Variants in ACOX1 observed in about 807,000 individuals in gnomAD.
ACOX1 encodes the protein acyl-CoA oxidase 1.
A neutral mutation model predicts 75.5 loss-of-function variants in ACOX1; 41 were observed. That is an observed-to-expected ratio of 0.54 (90% CI 0.42 to 0.70). The LOEUF (loss-of-function observed/expected upper bound fraction) is 0.70, where lower values mean the gene tolerates loss of function less well. ACOX1 is among the 30% of genes least tolerant of loss of function. ACOX1 has a pLI of 0.00. For synonymous variants in ACOX1, 303 were observed against 298.8 expected (o/e 1.01, Z -0.15); for missense variants, 630 against 837.5 (o/e 0.75, Z 3.06).
chr17:75,948,862 C>CTTTTTT (rs34512190), intron 12 of ACOX1, among the ~76,000 whole-genome samples: 2 of 125,254 alleles, frequency 1.6e-5, no homozygotes. Context: ...TTTTCTTTTT[C>CTTTTTT]TTTTTTTTTT....
chr17:75,976,517 C>T (rs2066051672), intron 2 of ACOX1, among the ~76,000 whole-genome samples: 1 of 152,132 alleles, frequency 6.6e-6, no homozygotes, highest in Admixed American at 6.5e-5. Flanking sequence ...GTAACATAAT[C>T]TTCTAGGAGG....
At chr17:75,976,047 A>G (rs1453919372) in intron 2 of ACOX1, among the ~76,000 whole-genome samples, 2 of 152,216 alleles carry the variant, frequency 1.3e-5, no homozygotes, top group Non-Finnish European at 2.9e-5. Flanking sequence ...TTAGTGGTAC[A>G]CAAAACACTG....
chr17:75,955,793 C>T, intron 5 of ACOX1, 35 bp downstream of exon 5: 1 of 1,614,114 alleles, frequency 6.2e-7, no homozygotes, highest in South Asian at 1.1e-5. Context: ...TGCTCAGTTT[C>T]ATTTTCATCT....
At chr17:75,967,660 A>G (rs1297739708) in intron 2 of ACOX1, among the ~76,000 whole-genome samples, 2 of 101,110 alleles carry the variant, frequency 2.0e-5, no homozygotes, top group African/African-American at 1.3e-4. Flanking sequence ...ATATATACAT[A>G]CATATATATA....
intron 7 of ACOX1, among the ~76,000 whole-genome samples, 199 bp from the exon 8 acceptor site, chr17:75,951,776 C>G (rs1166338134): frequency 7.1e-6 from 1 of 141,442 alleles, no homozygotes; most frequent in African/African-American, 2.6e-5. Flanking sequence ...TCACACAGCT[C>G]GTATGTGGCA....
intron 13 of ACOX1, 123 bp downstream of exon 13, chr17:75,948,128 G>T: frequency 1.1e-6 from 1 of 938,166 alleles, no homozygotes; most frequent in Non-Finnish European, 1.7e-6. Flanking sequence ...CAAATAAAGT[G>T]ACTGTCAGAA....
At chr17:75,954,215 CAA>C (rs1318167016) in intron 6 of ACOX1, among the ~76,000 whole-genome samples, 11 of 74,466 alleles carry the variant, frequency 1.5e-4, no homozygotes, top group Admixed American at 1.6e-4. Context: ...GACTCTGTCT[CAA>C]AAAAAAAAAA....
chr17:75,973,642 T>C, intron 2 of ACOX1: 1 of 1,614,242 alleles, frequency 6.2e-7, no homozygotes, highest in Non-Finnish European at 8.5e-7. Flanking sequence ...CATTTCCGTC[T>C]GGGCGTAGGT....
chr17:75,958,580 G>A (rs562062353), intron 3 of ACOX1, among the ~76,000 whole-genome samples: 10 of 151,404 alleles, frequency 6.6e-5, no homozygotes, highest in South Asian at 2.1e-4. Flanking sequence ...GGGCCAAGGC[G>A]GGCGGATCAC....
At chr17:75,951,312 C>T (rs2065771661) in intron 8 of ACOX1, 103 bp downstream of exon 8, 1 of 1,437,322 alleles carries the variant, frequency 7.0e-7, no homozygotes, top group Non-Finnish European at 9.7e-7. Flanking sequence ...AGAATACATA[C>T]TTCTTTTCAG....
chr17:75,964,178 C>CAAAA (rs60919786), intron 2 of ACOX1, among the ~76,000 whole-genome samples: 2 of 84,504 alleles, frequency 2.4e-5, no homozygotes, highest in Non-Finnish European at 2.5e-5. Flanking sequence ...GACTCCATCT[C>CAAAA]AAAAAAAAAA....
rs1260740824 is a variant in ACOX1, at chr17:75,948,008, G to A, written c.1935+243C>T. ...GCTGGGATTACAGGTGTGAGCCAACGCACCCGGCCTGTATATATTTTTAAA... is the reference window on the plus strand; with the variant it reads ...GCTGGGATTACAGGTGTGAGCCAACACACCCGGCCTGTATATATTTTTAAA... On this transcript the variant is annotated intron_variant, in intron 13 of 13. Transcript: ENST00000293217. Among the ~76,000 whole-genome samples the A allele has an allele frequency of 2.6e-5, 4 of 151,996 alleles. No homozygotes were observed. In the East Asian group the frequency reaches 7.7e-4, roughly 29 times the overall value.
chr17:75,963,958 C>T (rs891845019), intron 2 of ACOX1, among the ~76,000 whole-genome samples: 7 of 150,938 alleles, frequency 4.6e-5, no homozygotes, highest in Admixed American at 2.0e-4. Flanking sequence ...CCAAGGTGGG[C>T]GGATCACTTG....
At chr17:75,972,356 T>TCAGC (rs2066004557) in intron 2 of ACOX1, among the ~76,000 whole-genome samples, 2 of 146,316 alleles carry the variant, frequency 1.4e-5, no homozygotes, top group Non-Finnish European at 3.0e-5. Flanking sequence ...GAAGGATCTG[T>TCAGC]CAGCCAGGCG....
At chr17:75,949,172 T>G in intron 12 of ACOX1, 45 bp downstream of exon 12, 1 of 1,612,628 alleles carries the variant, frequency 6.2e-7, no homozygotes, top group Non-Finnish European at 8.5e-7. Flanking sequence ...CAATTATTTT[T>G]CTTAAAACAA....
intron 2 of ACOX1, among the ~76,000 whole-genome samples, chr17:75,965,738 CAGG>C (rs2065926090): frequency 6.6e-6 from 1 of 152,070 alleles, no homozygotes; most frequent in African/African-American, 2.4e-5. Context: ...GAGACTGAGG[CAGG>C]AGGATCCCTT....
At chr17:75,971,484 G>A (rs1248530673) in intron 2 of ACOX1, among the ~76,000 whole-genome samples, 1 of 151,064 alleles carries the variant, frequency 6.6e-6, no homozygotes, top group Admixed American at 6.6e-5. Context: ...ACTCACACCT[G>A]TAATCCCAGC....
chr17:75,953,228 C>CTTT (rs1019489352), intron 7 of ACOX1: 22 of 464,288 alleles, frequency 4.7e-5, no homozygotes, highest in African/African-American at 5.9e-5. Flanking sequence ...TGGGTATTCT[C>CTTT]TTTTTTTCTT....
intron 2 of ACOX1, among the ~76,000 whole-genome samples, chr17:75,965,716 T>G (rs1414564960): frequency 6.6e-6 from 1 of 151,632 alleles, no homozygotes; most frequent in African/African-American, 2.4e-5. Flanking sequence ...GCCCATACTC[T>G]CAACTACTCG....
Sources: gnomAD v4.1 joint callset for allele counts (sites outside exome capture counted in the v4.1 genomes callset) on GRCh38, gnomAD v4.1.1 for gene constraint, MANE v1.5 for transcripts, NCBI Gene and HGNC (gene_info 2026-07-23, HGNC 2026-07-21) for gene names.